FGF12: variants seen among roughly 807,000 people sequenced by gnomAD.
FGF12 encodes the protein fibroblast growth factor 12.
FGF12 carries 14 observed loss-of-function variants against 23.6 expected under a neutral mutation model. The observed-to-expected ratio is 0.59, with a 90% CI of 0.39 to 0.93. FGF12 has a LOEUF of 0.93. Ranked by LOEUF, FGF12 falls within the 40% of genes least tolerant of loss-of-function variation. The probability of loss-of-function intolerance (pLI) is 0.00; values close to 1 mark genes in which losing one functional copy is unlikely to be tolerated. For missense variants in FGF12, 175 were observed against 217.8 expected, an observed-to-expected ratio of 0.80 and a Z score of 1.24; for synonymous variants, 62 against 77.3, an observed-to-expected ratio of 0.80 and a Z score of 1.04.
chr3:192,340,470 T>A (rs998697608), intron 3 of FGF12, among the ~76,000 whole-genome samples: 6 of 152,102 alleles, frequency 3.9e-5, no homozygotes, highest in Non-Finnish European at 8.8e-5. Context: ...CAGTAAACAT[T>A]TGCAGACTAA....
At chr3:192,235,860 A>C (rs1719267063) in intron 4 of FGF12, among the ~76,000 whole-genome samples, 1 of 152,138 alleles carries the variant, frequency 6.6e-6, no homozygotes. Flanking sequence ...AATTTCATTC[A>C]GTTCATCTCT....
intron 2 of FGF12, among the ~76,000 whole-genome samples, chr3:192,512,700 T>C (rs1338538812): frequency 1.3e-5 from 2 of 151,116 alleles, no homozygotes; most frequent in Non-Finnish European, 3.0e-5. Context: ...GTGGAAAGGG[T>C]GGGAAGGAAA....
intron 4 of FGF12, among the ~76,000 whole-genome samples, chr3:192,328,877 C>T (rs1716965011): frequency 6.6e-6 from 1 of 152,178 alleles, no homozygotes; most frequent in African/African-American, 2.4e-5. Context: ...GGTAGACTTT[C>T]AATCAGTATG....
intron 4 of FGF12, among the ~76,000 whole-genome samples, chr3:192,177,839 T>G (rs1203532820): frequency 6.6e-6 from 1 of 152,208 alleles, no homozygotes; most frequent in Admixed American, 6.5e-5. Context: ...AAAGCTCCCT[T>G]GACTACCTTA....
intron 2 of FGF12, among the ~76,000 whole-genome samples, chr3:192,364,191 A>G (rs1275765018): frequency 6.6e-6 from 1 of 152,236 alleles, no homozygotes; most frequent in African/African-American, 2.4e-5. Flanking sequence ...AGGGTTCTCA[A>G]ATGCAGACAT....
At chr3:192,232,997 A>G (rs967816852) in intron 4 of FGF12, among the ~76,000 whole-genome samples, 2 of 152,186 alleles carry the variant, frequency 1.3e-5, no homozygotes, top group Non-Finnish European at 2.9e-5. Flanking sequence ...TATTGTGAAT[A>G]ATGCTACAGT....
intron 2 of FGF12, among the ~76,000 whole-genome samples, chr3:192,361,169 CAAAAAAAAAAAA>C (rs10651290): frequency 3.0e-5 from 3 of 98,772 alleles, no homozygotes; most frequent in South Asian, 3.9e-4. Flanking sequence ...TTCTCCAGTA[CAAAAAAAAAAAA>C]AAAAAAAAAA....
At chr3:192,272,781 C>A (rs143166030) in intron 4 of FGF12, among the ~76,000 whole-genome samples, 1 of 152,226 alleles carries the variant, frequency 6.6e-6, no homozygotes, top group East Asian at 1.9e-4. Flanking sequence ...CTGATCATAG[C>A]CATTGTAAAA....
rs183827517 is a variant in FGF12 at position 192,262,775 on chromosome 3, C to A, written c.228+72586G>T. 7.6e-4 allele frequency among the ~76,000 whole-genome samples: 116 copies of A among 151,870 alleles called. 1 individual carries two copies. Among genetic ancestry groups the A allele is most frequent in the Non-Finnish European group, 3.5e-4 (24 of 67,990 alleles). ...CATGTATCCCAATCATTAAGTGACA[C>A]GTGACTGTAATTTTTTTTTTCCAAT... On this transcript the variant is annotated intron_variant, in intron 4 of 5. Coordinates refer to ENST00000445105, the MANE Select transcript of FGF12 (RefSeq NM_004113.6).
intron 2 of FGF12, among the ~76,000 whole-genome samples, chr3:192,479,953 G>A (rs1035769250): frequency 2.6e-5 from 4 of 151,970 alleles, no homozygotes; most frequent in African/African-American, 7.3e-5. Context: ...ATATGGGCCA[G>A]CCTGGGTTTG....
chr3:192,298,555 C>A (rs1218531829), intron 4 of FGF12, among the ~76,000 whole-genome samples: 1 of 152,104 alleles, frequency 6.6e-6, no homozygotes, highest in East Asian at 1.9e-4. Flanking sequence ...GAGTTCAAGA[C>A]CAGCCGGGCC....
intron 2 of FGF12, among the ~76,000 whole-genome samples, chr3:192,405,703 C>G (rs1191440412): frequency 6.6e-6 from 1 of 152,202 alleles, no homozygotes; most frequent in African/African-American, 2.4e-5. Flanking sequence ...CCCAATCCAA[C>G]TAAAGATTCT....
intron 2 of FGF12, among the ~76,000 whole-genome samples, chr3:192,373,747 G>A (rs1719348475): frequency 6.6e-6 from 1 of 152,132 alleles, no homozygotes; most frequent in Non-Finnish European, 1.5e-5. Flanking sequence ...GATAATGATG[G>A]ACTGTGACAT....
At chr3:192,599,269 A>AATAATAATAATAATAATTATAATT (rs3043818) in intron 2 of FGF12, among the ~76,000 whole-genome samples, 24 of 148,078 alleles carry the variant, frequency 1.6e-4, no homozygotes, top group Admixed American at 1.5e-3. Context: ...TAATAATAAT[A>AATAATAATAATAATAATTATAATT]ATAATAATAA....
chr3:192,144,973 T>G (rs142636509), intron 5 of FGF12, among the ~76,000 whole-genome samples: 9 of 152,370 alleles, frequency 5.9e-5, no homozygotes, highest in African/African-American at 2.2e-4. Flanking sequence ...TATCAGGAGT[T>G]ACTTTTATCC....
chr3:192,624,066 T>C (rs1373925708), intron 2 of FGF12, among the ~76,000 whole-genome samples: 1 of 152,146 alleles, frequency 6.6e-6, no homozygotes, highest in South Asian at 2.1e-4. Flanking sequence ...GGCTCCGTGG[T>C]TTAAGTTCCT....
At chr3:192,234,003 T>G (rs1719155106) in intron 4 of FGF12, among the ~76,000 whole-genome samples, 2 of 152,230 alleles carry the variant, frequency 1.3e-5, no homozygotes, top group Admixed American at 6.5e-5. Flanking sequence ...GTGATGCCTC[T>G]GGCTGTGTTC....
chr3:192,310,434 T>C (rs1715874007), intron 4 of FGF12, among the ~76,000 whole-genome samples: 1 of 152,206 alleles, frequency 6.6e-6, no homozygotes. Flanking sequence ...AGAGCCCTTT[T>C]AAAATATTTA....
chr3:192,633,857 A>G (rs776639936), intron 2 of FGF12, among the ~76,000 whole-genome samples: 5 of 151,804 alleles, frequency 3.3e-5, no homozygotes, highest in African/African-American at 4.8e-5. Context: ...CATCTCAACA[A>G]CCCTTCATGC....
Sources: gnomAD v4.1 joint callset for allele counts (sites outside exome capture counted in the v4.1 genomes callset) on GRCh38, gnomAD v4.1.1 for gene constraint, MANE v1.5 for transcripts, NCBI Gene and HGNC (gene_info 2026-07-23, HGNC 2026-07-21) for gene names.